UHRF2: variants seen among roughly 807,000 people sequenced by gnomAD.
UHRF2 encodes E3 ubiquitin-protein ligase UHRF2.
Under a neutral mutation model 96.8 loss-of-function variants are expected in UHRF2, and 23 were observed. The observed-to-expected ratio is 0.24, with a 90% CI of 0.17 to 0.34. UHRF2 has a LOEUF of 0.34. Among genes scored for constraint, UHRF2 ranks in the 10% least tolerant of loss-of-function variants. The pLI is 1.00. For missense variants in UHRF2, 685 were observed against 981.5 expected, an observed-to-expected ratio of 0.70 and a Z score of 4.04; for synonymous variants, 385 against 332.6, an observed-to-expected ratio of 1.16 and a Z score of -1.72.
At chr9:6,481,031 C>T (rs1343624993) in intron 6 of UHRF2, among the ~76,000 whole-genome samples, 3 of 152,176 alleles carry the variant, frequency 2.0e-5, no homozygotes, top group Non-Finnish European at 4.4e-5. Context: ...AGAATAGCCT[C>T]CTCTCATTCT....
chr9:6,421,102 C>A lies in UHRF2; in HGVS notation c.344C>A (p.Ala115Asp), dbSNP rs1210453967. The A allele has an allele frequency of 6.2e-7, 1 of 1,614,106 alleles. No homozygotes were observed. Among genetic ancestry groups the A allele is most frequent in the South Asian group, 1.1e-5 (1 of 91,074 alleles). Reference protein sequence around the residue: ...VGPSNQPSTSARARLIDPGFG... With the variant: ...VGPSNQPSTSDRARLIDPGFG... ...CCTTCCAATCAGCCATCTACATCAG[C>A]TCGTGCCCGTCTTATTGATCCTGGC... The change falls in exon 2 of 16, where the codon GCT becomes GAT. Residue 115 changes from alanine (A) to aspartate (D), a missense_variant. Transcript: ENST00000276893.
At chr9:6,474,509 G>A (rs143769886) in intron 4 of UHRF2, among the ~76,000 whole-genome samples, 2,162 of 152,054 alleles carry the variant, frequency 0.014, 49 homozygotes, top group African/African-American at 0.049. Context: ...AGTTCGAGAC[G>A]AGCCCAGCCA....
chr9:6,501,395 A>G (rs867665541), intron 14 of UHRF2, among the ~76,000 whole-genome samples: 6 of 152,242 alleles, frequency 3.9e-5, no homozygotes, highest in Admixed American at 2.6e-4. Flanking sequence ...TTATAATACA[A>G]TTACTTTTCT....
chr9:6,485,236 A>G (rs944231463), intron 8 of UHRF2, among the ~76,000 whole-genome samples: 14 of 152,232 alleles, frequency 9.2e-5, no homozygotes, highest in African/African-American at 3.4e-4. Flanking sequence ...TAAATACAAT[A>G]AAATACTGTA....
intron 3 of UHRF2, among the ~76,000 whole-genome samples, chr9:6,435,565 A>G (rs1323989634): frequency 6.6e-6 from 1 of 152,154 alleles, no homozygotes; most frequent in African/African-American, 2.4e-5. Flanking sequence ...CATACTGATT[A>G]TCAGTCACTC....
intron 3 of UHRF2, among the ~76,000 whole-genome samples, chr9:6,438,747 T>C (rs1385308346): frequency 6.6e-6 from 1 of 152,220 alleles, no homozygotes; most frequent in African/African-American, 2.4e-5. Context: ...ACGTATCTAA[T>C]AGATTACTAG....
At chr9:6,468,478 AG>A (rs1171513149) in intron 4 of UHRF2, 2 of 456,052 alleles carry the variant, frequency 4.4e-6, no homozygotes, top group South Asian at 3.1e-5. Context: ...GTCTCTGGAG[AG>A]GTAAGAATCT....
intron 2 of UHRF2, among the ~76,000 whole-genome samples, chr9:6,429,134 C>T (rs1046990557): frequency 6.6e-6 from 1 of 151,312 alleles, no homozygotes; most frequent in African/African-American, 2.4e-5. Flanking sequence ...CACTGCACTC[C>T]AGCCTGGGCA....
At chr9:6,435,396 G>A (rs1042237205) in intron 3 of UHRF2, among the ~76,000 whole-genome samples, 1 of 152,196 alleles carries the variant, frequency 6.6e-6, no homozygotes, top group Admixed American at 6.5e-5. Context: ...TGAGTGCTGG[G>A]ATTAAAGGCG....
intron 11 of UHRF2, among the ~76,000 whole-genome samples, 165 bp downstream of exon 11, chr9:6,497,525 C>A (rs1825038451): frequency 1.3e-5 from 2 of 151,292 alleles, no homozygotes; most frequent in African/African-American, 4.9e-5. Flanking sequence ...TTAACTTCAG[C>A]ACTTTACTTT....
At chr9:6,437,856 A>C (rs1784706956) in intron 3 of UHRF2, among the ~76,000 whole-genome samples, 1 of 151,804 alleles carries the variant, frequency 6.6e-6, no homozygotes, top group Non-Finnish European at 1.5e-5. Context: ...GATCTCAAAC[A>C]CCCACCTTAG....
At position 6,442,477 on chromosome 9, in the gene UHRF2, G is replaced by A. The variant is rs1411573648; in HGVS notation, c.644+8304G>A. ...GTTTTGTTTTGTTTTGTTTTGTTTT[G>A]TTTGTTTTGTTTTGTTTTTGAGACA... On this transcript the variant is annotated intron_variant, in intron 3 of 15. Coordinates refer to ENST00000276893, the MANE Select transcript of UHRF2 (RefSeq NM_152896.3). Among the ~76,000 whole-genome samples, 3 of 11,882 alleles carry A rather than the reference G, an allele frequency of 2.5e-4. No homozygotes were observed. In the Non-Finnish European group the frequency reaches 3.4e-3, roughly 13 times the overall value. The allele number at this position is 11,882 out of a possible 152,430, so 7.8% of individuals were successfully genotyped here.
intron 6 of UHRF2, 52 bp from the exon 7 acceptor site, chr9:6,481,591 A>G (rs1046180536): frequency 1.2e-5 from 19 of 1,585,166 alleles, no homozygotes; most frequent in Middle Eastern, 2.2e-4. Context: ...TTCTGTTACT[A>G]GCTTTAATAT....
intron 4 of UHRF2, among the ~76,000 whole-genome samples, chr9:6,466,859 A>G: frequency 6.6e-6 from 1 of 152,124 alleles, no homozygotes; most frequent in East Asian, 1.9e-4. Context: ...TCTGTCTCTT[A>G]TTTCAGTTCT....
In UHRF2 at chr9:6,422,456, A is replaced by T. The variant is rs547177436; in HGVS notation, c.384+1314A>T. Among the ~76,000 whole-genome samples the T allele has an allele frequency of 5.9e-5, 9 of 152,222 alleles. No individual in the cohort carries two copies. The East Asian group carries it at 1.7e-3, about 29-fold the overall frequency. On this transcript the variant is annotated intron_variant, in intron 2 of 15. Coordinates refer to ENST00000276893, the MANE Select transcript of UHRF2 (RefSeq NM_152896.3). Reference sequence around the variant, plus strand: ...GGGTCTCTTGGCTTTTAATATTTGCATACAAAAAACTGTAGAAATAGCATA... The same window carrying T: ...GGGTCTCTTGGCTTTTAATATTTGCTTACAAAAAACTGTAGAAATAGCATA...
chr9:6,484,444 TCCCTCCTCCC>T (rs1330795108), intron 8 of UHRF2, among the ~76,000 whole-genome samples: 2 of 101,378 alleles, frequency 2.0e-5, no homozygotes, highest in African/African-American at 7.7e-5. Flanking sequence ...TCTTCCCTCC[TCCCTCCTCCC>T]CCCTCCTCCT....
chr9:6,420,445 G>A (rs549850193), intron 1 of UHRF2, among the ~76,000 whole-genome samples: 3 of 150,486 alleles, frequency 2.0e-5, no homozygotes, highest in Admixed American at 2.0e-4. Context: ...TGCTCACGCT[G>A]TAATCCCAGC....
chr9:6,414,666 A>T (rs951421157), intron 1 of UHRF2, among the ~76,000 whole-genome samples: 5 of 152,198 alleles, frequency 3.3e-5, no homozygotes, highest in Non-Finnish European at 7.3e-5. Context: ...GGTTTTAAAT[A>T]AGTGTAGCTC....
At chr9:6,501,503 T>C (rs768201837) in intron 14 of UHRF2, among the ~76,000 whole-genome samples, 2 of 152,244 alleles carry the variant, frequency 1.3e-5, no homozygotes, top group Non-Finnish European at 2.9e-5. Flanking sequence ...AGAGTTTCCT[T>C]TGTGAGAAAT....
Sources: gnomAD v4.1 joint callset for allele counts (sites outside exome capture counted in the v4.1 genomes callset) on GRCh38, gnomAD v4.1.1 for gene constraint, MANE v1.5 for transcripts, NCBI Gene and HGNC (gene_info 2026-07-23, HGNC 2026-07-21) for gene names.